The following GLIS3 variants were observed in gnomAD, a reference collection of about 807,000 sequenced individuals.
GLIS3 encodes zinc finger protein GLIS3.
A neutral mutation model predicts 78.6 loss-of-function variants in GLIS3; 53 were observed. The observed-to-expected ratio is 0.67, with a 90% CI of 0.54 to 0.85. GLIS3 has a LOEUF of 0.85. Ranked by LOEUF, GLIS3 falls within the 40% of genes least tolerant of loss-of-function variation. The pLI is 0.00. For synonymous variants in GLIS3, 684 were observed against 509.9 expected (o/e 1.34, Z -4.60); for missense variants, 1,703 against 1,231.1 (o/e 1.38, Z -5.74).
In GLIS3 at chr9:4,118,219, G is replaced by C. The variant is rs768040059; in HGVS notation, c.1259C>G (p.Pro420Arg). Residue 420 changes from proline to arginine, a missense_variant, in exon 4 of 11, where the codon CCC becomes CGC. Transcript: ENST00000381971. The surrounding 1 kb of genome is among the most constrained non-coding windows in gnomAD (Gnocchi z 4.7). ...GAACAGGCCGGCCGACTGGCTGTCGGGGCCCGGCAGGCCATGCTGCACCAC... is the reference window on the plus strand; with the variant it reads ...GAACAGGCCGGCCGACTGGCTGTCGCGGCCCGGCAGGCCATGCTGCACCAC... ...HMVVQHGLPG[P>R]DSQSAGLFKT... is the part of the protein sequence containing the mutation. 1 of 1,584,298 alleles carries C rather than the reference G, an allele frequency of 6.3e-7. No individual in the cohort carries two copies.
intron 2 of GLIS3, among the ~76,000 whole-genome samples, chr9:4,241,062 T>A (rs1823261606): frequency 6.6e-6 from 1 of 152,118 alleles, no homozygotes; most frequent in African/African-American, 2.4e-5. Context: ...TGATTGCAAA[T>A]AAACATCTCT....
At chr9:4,006,917 G>C (rs1715858742) in intron 4 of GLIS3, among the ~76,000 whole-genome samples, 1 of 152,218 alleles carries the variant, frequency 6.6e-6, no homozygotes, top group African/African-American at 2.4e-5. Context: ...ATAAAGTCCT[G>C]GATGCAAGCT....
At chr9:4,035,197 T>C (rs192070986) in intron 4 of GLIS3, among the ~76,000 whole-genome samples, 28 of 152,298 alleles carry the variant, frequency 1.8e-4, no homozygotes, top group Admixed American at 8.5e-4. Flanking sequence ...TCATCTTCAC[T>C]ATAACCTTTT....
At chr9:3,991,943 G>A (rs550872263) in intron 4 of GLIS3, among the ~76,000 whole-genome samples, 2 of 152,244 alleles carry the variant, frequency 1.3e-5, no homozygotes, top group South Asian at 4.2e-4. Flanking sequence ...GCCCGCCTCG[G>A]CCTCCCAAAG....
At chr9:4,176,336 T>C (rs770381035) in intron 2 of GLIS3, among the ~76,000 whole-genome samples, 10 of 152,218 alleles carry the variant, frequency 6.6e-5, no homozygotes, top group Non-Finnish European at 1.3e-4. Context: ...TTTTAGGCTA[T>C]TTCTCTCTAG....
At chr9:4,012,126 T>C (rs965248529) in intron 4 of GLIS3, among the ~76,000 whole-genome samples, 3 of 152,214 alleles carry the variant, frequency 2.0e-5, no homozygotes, top group Non-Finnish European at 4.4e-5. Flanking sequence ...GAGAAATTTC[T>C]TAAGTATAGG....
At chr9:4,102,994 T>C (rs10814842) in intron 4 of GLIS3, among the ~76,000 whole-genome samples, 106,501 of 151,994 alleles carry the variant, frequency 0.7, 39,565 homozygotes, top group East Asian at 0.96. Flanking sequence ...AATCCCTATC[T>C]TTTCTCTGTG....
intron 4 of GLIS3, among the ~76,000 whole-genome samples, chr9:4,050,138 C>G (rs939834735): frequency 7.9e-5 from 12 of 151,538 alleles, no homozygotes; most frequent in African/African-American, 2.9e-4. Context: ...GCTATAAAGA[C>G]ACATGCACAC....
At chr9:3,886,279 AT>A (rs555967004) in intron 7 of GLIS3, among the ~76,000 whole-genome samples, 6 of 151,978 alleles carry the variant, frequency 3.9e-5, no homozygotes, top group African/African-American at 1.4e-4. Flanking sequence ...TTGTTGTTCT[AT>A]TTTTTTTATA....
At chr9:4,468,952 C>A in the GLIS3 span, among the ~76,000 whole-genome samples, 18 of 152,066 alleles carry the variant, frequency 1.2e-4, no homozygotes, top group African/African-American at 4.3e-4. Flanking sequence ...ATCTACCAAG[C>A]AAATGGAAAG....
chr9:4,143,451 C>T (rs565445257), intron 2 of GLIS3, among the ~76,000 whole-genome samples: 1 of 152,068 alleles, frequency 6.6e-6, no homozygotes, highest in East Asian at 1.9e-4. Flanking sequence ...CCTGTAATCC[C>T]AGCTACTCAG....
At chr9:4,416,967 C>T in the GLIS3 span, among the ~76,000 whole-genome samples, 41 of 152,182 alleles carry the variant, frequency 2.7e-4, no homozygotes, top group Non-Finnish European at 4.9e-4. Flanking sequence ...ACCCCATTTA[C>T]GCTGACTGTG....
intron 2 of GLIS3, among the ~76,000 whole-genome samples, chr9:4,311,535 G>A (rs1388713997): frequency 7.2e-5 from 11 of 151,978 alleles, no homozygotes; most frequent in Non-Finnish European, 1.3e-4. Flanking sequence ...ATAAGTTTCC[G>A]ACCCCTGCAA....
the GLIS3 span, among the ~76,000 whole-genome samples, chr9:4,387,817 T>A: frequency 6.6e-6 from 1 of 152,238 alleles, no homozygotes; most frequent in African/African-American, 2.4e-5. Context: ...TTATTTAACA[T>A]AACTTTCACA....
chr9:3,837,016 T>A (rs1216981060), intron 9 of GLIS3, among the ~76,000 whole-genome samples: 1 of 152,210 alleles, frequency 6.6e-6, no homozygotes, highest in African/African-American at 2.4e-5. Context: ...GAATTCACCC[T>A]ATGCCTCTGG....
chr9:4,151,753 G>C (rs1834697506), intron 2 of GLIS3, among the ~76,000 whole-genome samples: 1 of 152,136 alleles, frequency 6.6e-6, no homozygotes, highest in Admixed American at 6.5e-5. Flanking sequence ...AGTTTGGATA[G>C]AGTCCTGTGG....
intron 4 of GLIS3, among the ~76,000 whole-genome samples, chr9:4,021,704 G>C (rs936897459): frequency 2.0e-5 from 3 of 152,170 alleles, no homozygotes; most frequent in South Asian, 2.1e-4. Flanking sequence ...TTGGGGCTTA[G>C]AGACTTTCCT....
chr9:4,332,453 T>C (rs1485930424), intron 2 of GLIS3, among the ~76,000 whole-genome samples: 1 of 152,172 alleles, frequency 6.6e-6, no homozygotes, highest in Non-Finnish European at 1.5e-5. Flanking sequence ...GTGACTAAGT[T>C]CCAGTACACA....
chr9:4,130,351 G>C (rs143608433), intron 2 of GLIS3, among the ~76,000 whole-genome samples: 1 of 152,218 alleles, frequency 6.6e-6, no homozygotes, highest in Non-Finnish European at 1.5e-5. Flanking sequence ...CAAGACAATG[G>C]GGGAAGGCCC....
Sources: allele counts gnomAD v4.1 joint callset (sites outside exome capture counted in the v4.1 genomes callset), GRCh38; gene constraint gnomAD v4.1.1; non-coding constraint Gnocchi (gnomAD v3.1); transcripts MANE v1.5; gene names NCBI Gene and HGNC (gene_info 2026-07-23, HGNC 2026-07-21).